RUSF1: variants seen among roughly 807,000 people sequenced by gnomAD.
RUSF1 encodes RUS1 family protein C16orf58.
In RUSF1, 58 loss-of-function variants were observed where a neutral mutation model predicts 63.0. That is an observed-to-expected ratio of 0.92 (90% CI 0.75 to 1.15). The LOEUF is 1.15. Among genes scored for constraint, RUSF1 ranks in the 50% most tolerant of loss-of-function variants. RUSF1 has a pLI of 0.00. For missense variants in RUSF1, 652 were observed against 611.0 expected (o/e 1.07, Z -0.71); for synonymous variants, 274 against 255.8 (o/e 1.07, Z -0.68).
rs1275551125 is a variant in RUSF1 at position 31,490,595 on chromosome 16, G to A, written c.*240C>T. The A allele has an allele frequency of 2.1e-6, 3 of 1,410,198 alleles. No individual in the cohort carries two copies. Among genetic ancestry groups the A allele is most frequent in the Non-Finnish European group, 3.0e-6 (3 of 1,012,106 alleles). The allele number at this position is 1,410,198 out of a possible 1,614,324, so 87.4% of individuals were successfully genotyped here. On this transcript the variant is annotated 3_prime_UTR_variant, in exon 13 of 13. Coordinates refer to ENST00000327237, the MANE Select transcript of RUSF1 (RefSeq NM_022744.4). ...CACAGGAAGTGGGGGTGAGGAGCCTGCGGTGCTCCCCAGAAAAGGGGAAGG... is the reference window on the plus strand; with the variant it reads ...CACAGGAAGTGGGGGTGAGGAGCCTACGGTGCTCCCCAGAAAAGGGGAAGG...
At chr16:31,502,285 CCATTCTCCACTGAGAGCAGATG>C (rs2082636827) in intron 2 of RUSF1, among the ~76,000 whole-genome samples, 1 of 152,082 alleles carries the variant, frequency 6.6e-6, no homozygotes, top group Non-Finnish European at 1.5e-5. Context: ...GCCAGCCCTC[CCATTCTCCACTGAGAGCAGATG>C]CATTCTCCCC....
At chr16:31,492,447 CG>C in intron 10 of RUSF1, 107 bp from the exon 11 acceptor site, 1 of 1,312,344 alleles carries the variant, frequency 7.6e-7, no homozygotes, top group Non-Finnish European at 1.0e-6. Flanking sequence ...TGGCCTGGCA[CG>C]GAAGGCTAGC....
In RUSF1 at chr16:31,499,412, G is replaced by A; in HGVS notation, c.495-5C>T. 6.2e-7 allele frequency: 1 copy of A among 1,613,914 alleles called. No homozygotes were observed. The highest frequency in any genetic ancestry group is 8.5e-7 in the Non-Finnish European group (1 of 1,179,938). On this transcript the variant is annotated splice_region_variant and splice_polypyrimidine_tract_variant and intron_variant, in intron 4 of 12. Coordinates refer to ENST00000327237, the MANE Select transcript of RUSF1 (RefSeq NM_022744.4). ...TTGAGGATGTCCGCAAAAAGCCTGG[G>A]GAGGGATCAGAGGTTAGAGGTCAGA... is the stretch of plus-strand genomic sequence containing the variant.
At position 31,499,312 on chromosome 16, in the gene RUSF1, T is replaced by C; in HGVS notation, c.590A>G (p.Asn197Ser). 1 of 1,613,626 alleles carries C rather than the reference T, an allele frequency of 6.2e-7. No individual in the cohort carries two copies. Among genetic ancestry groups the C allele is most frequent in the Non-Finnish European group, 8.5e-7 (1 of 1,179,598 alleles). Reference protein sequence around the residue: ...ICFTMTVSTSNLAKCIVSVAG... With the variant: ...ICFTMTVSTSSLAKCIVSVAG... ...CCCACAGGCAGCTACCTTGGCTAGG[T>C]TGCTGGTGGAGACGGTCATGGTGAA... Residue 197 changes from asparagine (N) to serine (S), a missense_variant, in exon 5 of 13, where the codon AAC becomes AGC. Physicochemically the swap from Asn to Ser is conservative, Grantham distance 46. Coordinates refer to ENST00000327237, the MANE Select transcript of RUSF1 (RefSeq NM_022744.4).
intron 2 of RUSF1, among the ~76,000 whole-genome samples, chr16:31,505,508 T>C (rs937797962): frequency 1.3e-5 from 2 of 152,094 alleles, no homozygotes; most frequent in African/African-American, 4.8e-5. Context: ...TGATGAGAAA[T>C]ACCCACAGTG....
Position 31,490,084 on chromosome 16 carries a change from C to G in RUSF1, c.*751G>C. ...GGGGGGACAGAACTCCCACCTCGTT[C>G]GTGCTCCCACCCTCCCCAGCTCCAC... On this transcript the variant is annotated 3_prime_UTR_variant, in exon 13 of 13. Coordinates refer to ENST00000327237, the MANE Select transcript of RUSF1 (RefSeq NM_022744.4). 1.9e-6 allele frequency: 3 copies of G among 1,612,990 alleles called. 1 individual carries two copies. In the South Asian group the frequency reaches 3.3e-5, roughly 18 times the overall value.
intron 6 of RUSF1, 102 bp downstream of exon 6, chr16:31,496,747 C>A: frequency 2.0e-6 from 2 of 1,025,010 alleles, no homozygotes; most frequent in Non-Finnish European, 2.8e-6. Context: ...AGGGAGCACC[C>A]ATACTTCTTC....
intron 2 of RUSF1, among the ~76,000 whole-genome samples, chr16:31,502,695 G>C (rs867537802): frequency 6.6e-6 from 1 of 152,188 alleles, no homozygotes. Context: ...CACCCAACAA[G>C]GTGGATTTAC....
At chr16:31,505,819 C>T (rs1035312972) in intron 2 of RUSF1, among the ~76,000 whole-genome samples, 1 of 152,170 alleles carries the variant, frequency 6.6e-6, no homozygotes, top group Non-Finnish European at 1.5e-5. Context: ...GACCCGCTTC[C>T]TGTCCTTCAA....
rs559072132 is a variant in RUSF1 at position 31,490,061 on chromosome 16, G to C, written c.*774C>G. On this transcript the variant is annotated 3_prime_UTR_variant, in exon 13 of 13. Transcript: ENST00000327237. The stretch of plus-strand genomic sequence containing the variant: ...CAAGAGACTTTAGGGCCAGGCATGG[G>C]GGGACAGAACTCCCACCTCGTTCGT... 1.4e-5 allele frequency: 23 copies of C among 1,611,658 alleles called. No homozygotes were observed. The Admixed American group carries it at 3.8e-4, about 27-fold the overall frequency.
intron 5 of RUSF1, among the ~76,000 whole-genome samples, chr16:31,497,930 C>T (rs141127931): frequency 6.6e-6 from 1 of 152,190 alleles, no homozygotes; most frequent in Non-Finnish European, 1.5e-5. Context: ...GATCACTGGG[C>T]TGCTCTGAGA....
In RUSF1 at chr16:31,490,687, C is replaced by A; in HGVS notation, c.*148G>T. ...TTCCTCTGCCTGGGGCCCACTGCAT[C>A]TGATTGGCAGTCACTTCCCATGAGG... On this transcript the variant is annotated 3_prime_UTR_variant, in exon 13 of 13. Transcript: ENST00000327237. 9.1e-7 allele frequency: 1 copy of A among 1,104,278 alleles called. No individual in the cohort carries two copies. Among genetic ancestry groups the A allele is most frequent in the Non-Finnish European group, 1.4e-6 (1 of 739,234 alleles). 68.4% of individuals were successfully genotyped at this position (1,104,278 alleles called of 1,614,324 possible). A position where few individuals can be genotyped will look rare whatever the true frequency, so the allele number is the denominator to read the frequency against.
At position 31,493,795 on chromosome 16, in the gene RUSF1, G is replaced by C. The variant is rs753708583; in HGVS notation, c.774-8C>G. ...AAACATCCAAGGCTGAAGCTGGGGT[G>C]AGAGAGTGAGGTAGCTGAAGTGGGC... On this transcript the variant is annotated splice_polypyrimidine_tract_variant and splice_region_variant and intron_variant, in intron 7 of 12. Coordinates refer to ENST00000327237, the MANE Select transcript of RUSF1 (RefSeq NM_022744.4). 3 of 1,614,182 alleles carry C rather than the reference G, an allele frequency of 1.9e-6. No individual in the cohort carries two copies. The highest frequency in any genetic ancestry group is 2.5e-6 in the Non-Finnish European group (3 of 1,180,004).
intron 2 of RUSF1, among the ~76,000 whole-genome samples, chr16:31,501,324 G>A (rs1216782937): frequency 6.6e-6 from 1 of 152,066 alleles, no homozygotes; most frequent in South Asian, 2.1e-4. Context: ...TGGTGGCTCA[G>A]GCCTATAATC....
intron 5 of RUSF1, among the ~76,000 whole-genome samples, chr16:31,498,272 A>C (rs943464266): frequency 2.0e-5 from 3 of 152,148 alleles, no homozygotes; most frequent in South Asian, 2.1e-4. Context: ...AAGAGACTGA[A>C]GTCTCAAAGG....
chr16:31,491,270 A>G (rs1049334195), intron 12 of RUSF1, among the ~76,000 whole-genome samples: 1 of 152,156 alleles, frequency 6.6e-6, no homozygotes, highest in South Asian at 2.1e-4. Flanking sequence ...TCTCCGTCCT[A>G]TAAACAGGGA....
At chr16:31,502,439 A>G (rs535719367) in intron 2 of RUSF1, among the ~76,000 whole-genome samples, 1 of 152,224 alleles carries the variant, frequency 6.6e-6, no homozygotes, top group South Asian at 2.1e-4. Flanking sequence ...TGATCCTGAG[A>G]CTTTGGGAGG....
chr16:31,508,379 G>C lies in RUSF1; in HGVS notation c.-6C>G. 1.3e-6 allele frequency: 2 copies of C among 1,493,304 alleles called. No homozygotes were observed. The highest frequency in any genetic ancestry group is 1.8e-6 in the Non-Finnish European group (2 of 1,133,536). The allele number at this position is 1,493,304 out of a possible 1,614,324, so 92.5% of individuals were successfully genotyped here. A position where few individuals can be genotyped will look rare whatever the true frequency, so the allele number is the denominator to read the frequency against. ...AAACCCGCGTCGTCAGCCATGCCGA[G>C]CTTTTGGATCCCAGCCCCGCCCCTG... On this transcript the variant is annotated 5_prime_UTR_variant, in exon 1 of 13. Transcript: ENST00000327237.
chr16:31,499,525 C>T lies in RUSF1; in HGVS notation c.462G>A (p.Gly154=). 6.3e-7 allele frequency: 1 copy of T among 1,599,850 alleles called. No individual in the cohort carries two copies. The part of the protein sequence containing the change: ...LGRIVFAWWK[G]SKLDCNAKQW... ...GCTTGGCATTGCAGTCCAGTTTGCT[C>T]CTGTTGGGGAGGAGAGGTTGTTGTA... Residue 154 remains glycine (G), a splice_region_variant and synonymous_variant, in exon 4 of 13, where the codon GGG becomes GGA. Transcript: ENST00000327237.
Sources: gnomAD v4.1 joint callset for allele counts (sites outside exome capture counted in the v4.1 genomes callset) on GRCh38, gnomAD v4.1.1 for gene constraint, MANE v1.5 for transcripts, NCBI Gene and HGNC (gene_info 2026-07-23, HGNC 2026-07-21) for gene names.